The following UBE2D2 variants were observed in gnomAD, a reference collection of about 807,000 sequenced individuals.
UBE2D2 encodes ubiquitin conjugating enzyme E2 D2, also known as ubiquitin-conjugating enzyme E2 D2.
UBE2D2 carries 2 observed loss-of-function variants against 24.2 expected under a neutral mutation model. That is an observed-to-expected ratio of 0.08 (90% confidence interval 0.03 to 0.26). The LOEUF (loss-of-function observed/expected upper bound fraction) is 0.26, where lower values mean the gene tolerates loss of function less well. UBE2D2 is among the 10% of genes least tolerant of loss of function. UBE2D2 has a pLI of 1.00. For synonymous variants in UBE2D2, 58 were observed against 56.5 expected (o/e 1.03, Z -0.12); for missense variants, 44 against 177.6 (o/e 0.25, Z 4.28).
At chr5:139,622,836 G>A (rs1754539662) in intron 5 of UBE2D2, among the ~76,000 whole-genome samples, 4 of 151,928 alleles carry the variant, frequency 2.6e-5, no homozygotes, top group Admixed American at 2.6e-4. Context: ...CTTGCAGTGA[G>A]CCTAGACCGC....
intron 1 of UBE2D2, chr5:139,562,151 G>A (rs1753114860): frequency 1.5e-6 from 2 of 1,307,032 alleles, no homozygotes; most frequent in African/African-American, 1.5e-5. Context: ...GGTTGGGGCC[G>A]AGGGGGGCGC....
intron 6 of UBE2D2, among the ~76,000 whole-genome samples, chr5:139,626,032 C>T (rs1754619289): frequency 6.6e-6 from 1 of 151,162 alleles, no homozygotes; most frequent in African/African-American, 2.5e-5. Flanking sequence ...CTACCAGAAC[C>T]AATTGTTTTA....
chr5:139,606,898 G>A lies in UBE2D2; in HGVS notation c.88+6463G>A, dbSNP rs1055846353. ...TGGCTCACTGCAACCTCTGCCTCCC[G>A]GGTTCAAGCAGTTCTCCTGCCTCAG... is the stretch of plus-strand genomic sequence containing the variant. On this transcript the variant is annotated intron_variant, in intron 2 of 6. Transcript: ENST00000398733. 7.3e-4 allele frequency among the ~76,000 whole-genome samples: 111 copies of A among 151,990 alleles called. 3 individuals carry two copies. Among genetic ancestry groups the A allele is most frequent in the Admixed American group, 1.3e-4 (2 of 15,262 alleles).
chr5:139,620,900 G>T (rs1754501652), intron 5 of UBE2D2, among the ~76,000 whole-genome samples: 1 of 152,242 alleles, frequency 6.6e-6, no homozygotes, highest in East Asian at 1.9e-4. Context: ...TGAACTTAAT[G>T]TAATCAGTGA....
At chr5:139,529,290 C>T (rs1752573463) in intron 1 of UBE2D2, among the ~76,000 whole-genome samples, 1 of 152,084 alleles carries the variant, frequency 6.6e-6, no homozygotes, top group Non-Finnish European at 1.5e-5. Context: ...AGGACTGGTC[C>T]TTTTCTAGGT....
At position 139,623,435 on chromosome 5, in the gene UBE2D2, T is replaced by C; in HGVS notation, c.372T>C (p.Ala124=). 6.2e-7 allele frequency: 1 copy of C among 1,604,542 alleles called. No individual in the cohort carries two copies. The highest frequency in any genetic ancestry group is 8.5e-7 in the Non-Finnish European group (1 of 1,172,590). The change falls in exon 6 of 7, where the codon GCT becomes GCC. Residue 124 remains alanine (A), a synonymous_variant. Transcript: ENST00000398733. ...ATGATCCTTTAGTGCCTGAGATTGC[T>C]CGGATCTACAAAACAGATAGAGAAA... is the stretch of plus-strand genomic sequence containing the variant. ...NPDDPLVPEI[A]RIYKTDREKY...
At chr5:139,620,996 G>A (rs1447769877) in intron 5 of UBE2D2, among the ~76,000 whole-genome samples, 1 of 152,240 alleles carries the variant, frequency 6.6e-6, no homozygotes. Flanking sequence ...TGTAATCCCA[G>A]CACTTCGGGA....
In UBE2D2 at chr5:139,591,189, C is replaced by T. The variant is rs975103971; in HGVS notation, c.25-9183C>T. The stretch of plus-strand genomic sequence containing the variant: ...CAGGCTGGAGTGCATGGTGCAATCT[C>T]GGCTCACCATAACCTGCACTTCCTG... On this transcript the variant is annotated intron_variant, in intron 1 of 6. Coordinates refer to ENST00000398733, the MANE Select transcript of UBE2D2 (RefSeq NM_003339.3). Among the ~76,000 whole-genome samples, 4 of 150,350 alleles carry T rather than the reference C, an allele frequency of 2.7e-5. 1 individual carries two copies. The South Asian group carries it at 6.3e-4, about 24-fold the overall frequency.
intron 2 of UBE2D2, among the ~76,000 whole-genome samples, chr5:139,607,586 T>C (rs1754226389): frequency 6.6e-6 from 1 of 152,168 alleles, no homozygotes; most frequent in Middle Eastern, 3.2e-3. Context: ...TTATTCAGAG[T>C]TTAATGCCAA....
At chr5:139,560,300 C>G (rs1753047691), upstream of UBE2D2, among the ~76,000 whole-genome samples, 1 of 151,586 alleles carries the variant, frequency 6.6e-6, no homozygotes, top group African/African-American at 2.4e-5. Context: ...CGGATTCAAG[C>G]GATTCTCCTG....
chr5:139,563,486 A>G (rs1753153201), intron 1 of UBE2D2, among the ~76,000 whole-genome samples: 1 of 151,972 alleles, frequency 6.6e-6, no homozygotes, highest in African/African-American at 2.4e-5. Flanking sequence ...TCCAAAAAAA[A>G]TATATACATA....
intron 1 of UBE2D2, among the ~76,000 whole-genome samples, chr5:139,575,964 A>G (rs1343601789): frequency 6.6e-6 from 1 of 152,210 alleles, no homozygotes; most frequent in Non-Finnish European, 1.5e-5. Context: ...TCAAGGCGGC[A>G]GTGAGCTATA....
intron 2 of UBE2D2, among the ~76,000 whole-genome samples, chr5:139,611,475 A>G (rs1754319467): frequency 6.6e-6 from 1 of 152,180 alleles, no homozygotes; most frequent in African/African-American, 2.4e-5. Context: ...GGCGTGAGCT[A>G]CCACACCCAG....
At chr5:139,545,130 A>T (rs568587949) in intron 1 of UBE2D2, among the ~76,000 whole-genome samples, 1 of 151,880 alleles carries the variant, frequency 6.6e-6, no homozygotes, top group South Asian at 2.1e-4. Context: ...GGACATACAG[A>T]TCTAACTCGA....
At chr5:139,624,578 G>T (rs1288883648) in intron 6 of UBE2D2, among the ~76,000 whole-genome samples, 1 of 152,254 alleles carries the variant, frequency 6.6e-6, no homozygotes, top group Non-Finnish European at 1.5e-5. Flanking sequence ...ACAAGGTCAG[G>T]AGTTTGAGAC....
chr5:139,557,084 C>T (rs1402060837), upstream of UBE2D2, among the ~76,000 whole-genome samples: 6 of 151,818 alleles, frequency 4.0e-5, no homozygotes, highest in African/African-American at 1.2e-4. Context: ...CTGCCTGCCT[C>T]GGCCTCCCAA....
chr5:139,592,737 G>A (rs1213730508), intron 1 of UBE2D2, among the ~76,000 whole-genome samples: 1 of 151,106 alleles, frequency 6.6e-6, no homozygotes, highest in African/African-American at 2.4e-5. Flanking sequence ...CGAGTAGCTG[G>A]GACTACAGGC....
rs1037128993 is a variant in UBE2D2, at chr5:139,622,147, C to T, written c.305-1221C>T. ...CTTACATCATGGGATTGTTGTGAGA[C>T]TTTGCACAAAGGGGCTTATATTTGT... On this transcript the variant is annotated intron_variant, in intron 5 of 6. Transcript: ENST00000398733. Among the ~76,000 whole-genome samples, 20 of 152,198 alleles carry T rather than the reference C, an allele frequency of 1.3e-4. 1 individual carries two copies. The highest frequency in any genetic ancestry group is 1.2e-3 in the Admixed American group (18 of 15,272).
chr5:139,547,708 T>A (rs975664279), intron 1 of UBE2D2, among the ~76,000 whole-genome samples: 3 of 151,448 alleles, frequency 2.0e-5, no homozygotes, highest in African/African-American at 7.3e-5. Context: ...TTTTTTATTT[T>A]TTTTGAGACG....
Sources: allele counts gnomAD v4.1 joint callset (sites outside exome capture counted in the v4.1 genomes callset), GRCh38; gene constraint gnomAD v4.1.1; transcripts MANE v1.5; gene names NCBI Gene and HGNC (gene_info 2026-07-23, HGNC 2026-07-21).